ENTREP2: variants seen among roughly 807,000 people sequenced by gnomAD.
ENTREP2 encodes the protein endosomal transmembrane epsin interactor 2.
At chr15:29,358,345 C>A in the ENTREP2 span, among the ~76,000 whole-genome samples, 1 of 152,116 alleles carries the variant, frequency 6.6e-6, no homozygotes, top group Non-Finnish European at 1.5e-5. Context: ...ACATAAAGTG[C>A]AATTCCATTT....
the ENTREP2 span, among the ~76,000 whole-genome samples, chr15:29,242,348 C>CGT: frequency 2.2e-3 from 329 of 152,080 alleles, 1 homozygote; most frequent in East Asian, 0.022. Flanking sequence ...GGATTACAGG[C>CGT]GTGAGCCACT....
the ENTREP2 span, among the ~76,000 whole-genome samples, chr15:29,412,299 TTAGA>T: frequency 3.3e-5 from 5 of 152,308 alleles, no homozygotes; most frequent in East Asian, 5.8e-4. Flanking sequence ...ATATTTTTTC[TTAGA>T]TATAGTTCTA....
the ENTREP2 span, among the ~76,000 whole-genome samples, chr15:29,672,248 A>G: frequency 3.3e-5 from 5 of 152,224 alleles, no homozygotes; most frequent in Admixed American, 1.3e-4. Flanking sequence ...TTGGCCTCCC[A>G]AAGTGCTAGG....
chr15:29,257,320 G>T, the ENTREP2 span, among the ~76,000 whole-genome samples: 1 of 152,050 alleles, frequency 6.6e-6, no homozygotes, highest in Non-Finnish European at 1.5e-5. Context: ...TGGTCCACCC[G>T]CCTCGGCCTC....
chr15:29,648,548 G>A, the ENTREP2 span, among the ~76,000 whole-genome samples: 1 of 152,228 alleles, frequency 6.6e-6, no homozygotes, highest in Non-Finnish European at 1.5e-5. Flanking sequence ...GTATTTCCAA[G>A]GAAGATCTAG....
chr15:29,273,199 CTTTT>C, the ENTREP2 span, among the ~76,000 whole-genome samples: 2 of 133,830 alleles, frequency 1.5e-5, no homozygotes, highest in Admixed American at 7.6e-5. Flanking sequence ...ATAAATTAAA[CTTTT>C]TTTTTTTTTT....
the ENTREP2 span, among the ~76,000 whole-genome samples, chr15:29,592,915 C>T: frequency 9.8e-5 from 15 of 152,298 alleles, 1 homozygote; most frequent in Admixed American, 2.6e-4. Context: ...CTCCCCTTCA[C>T]CTTACACCAT....
chr15:29,484,155 A>C, the ENTREP2 span, among the ~76,000 whole-genome samples: 1 of 152,230 alleles, frequency 6.6e-6, no homozygotes, highest in Non-Finnish European at 1.5e-5. Context: ...GGTTGAAAGC[A>C]AATAGCTCCT....
the ENTREP2 span, among the ~76,000 whole-genome samples, chr15:29,128,524 A>C: frequency 1.3e-5 from 2 of 152,140 alleles, no homozygotes; most frequent in African/African-American, 4.8e-5. Flanking sequence ...AAAGTGGGGC[A>C]GAGGAAGACA....
the ENTREP2 span, among the ~76,000 whole-genome samples, chr15:29,584,856 T>C: frequency 6.6e-6 from 1 of 152,202 alleles, no homozygotes; most frequent in Non-Finnish European, 1.5e-5. Context: ...GATGGATGTA[T>C]TAATTTACTT....
At chr15:29,577,349 T>TGTGTGTGAGA in the ENTREP2 span, among the ~76,000 whole-genome samples, 18 of 144,336 alleles carry the variant, frequency 1.2e-4, no homozygotes, top group African/African-American at 4.6e-4. Context: ...TGTGTGTGTG[T>TGTGTGTGAGA]GAGAGAGAGA....
chr15:29,129,071 T>C, the ENTREP2 span, among the ~76,000 whole-genome samples: 1 of 152,326 alleles, frequency 6.6e-6, no homozygotes, highest in East Asian at 1.9e-4. Context: ...AGTTTTCTTT[T>C]TTCTTTTTTT....
At chr15:29,164,414 C>T in the ENTREP2 span, among the ~76,000 whole-genome samples, 1 of 152,136 alleles carries the variant, frequency 6.6e-6, no homozygotes, top group African/African-American at 2.4e-5. Context: ...TAAGAACTCG[C>T]CAACCAACTA....
the ENTREP2 span, among the ~76,000 whole-genome samples, chr15:29,658,445 G>C: frequency 6.6e-6 from 1 of 152,126 alleles, no homozygotes; most frequent in Non-Finnish European, 1.5e-5. Flanking sequence ...ATACAACTGG[G>C]AATTTAGGAG....
At chr15:29,475,901 C>T in the ENTREP2 span, among the ~76,000 whole-genome samples, 364 of 152,306 alleles carry the variant, frequency 2.4e-3, 1 homozygote, top group African/African-American at 8.2e-3. Context: ...TCCTACTTCC[C>T]TGCCCAAGTG....
chr15:29,234,194 T>C, the ENTREP2 span: 2 of 1,605,886 alleles, frequency 1.2e-6, no homozygotes, highest in Admixed American at 1.7e-5. Flanking sequence ...ATCTGACCAA[T>C]CACCACGAAG....
the ENTREP2 span, among the ~76,000 whole-genome samples, chr15:29,528,735 G>A: frequency 2.0e-5 from 3 of 149,568 alleles, no homozygotes; most frequent in East Asian, 1.9e-4. Context: ...ACGCTCTTTC[G>A]TAATTCACTT....
chr15:29,299,247 C>T, the ENTREP2 span, among the ~76,000 whole-genome samples: 3 of 152,216 alleles, frequency 2.0e-5, no homozygotes, highest in Non-Finnish European at 4.4e-5. Context: ...CAAACTCCTT[C>T]GGCCTCAGCA....
At chr15:29,601,433 C>CTT in the ENTREP2 span, among the ~76,000 whole-genome samples, 18 of 142,520 alleles carry the variant, frequency 1.3e-4, no homozygotes, top group East Asian at 4.1e-4. Flanking sequence ...CCACCACCAC[C>CTT]TTTTTTTTTT....
Sources: allele counts gnomAD v4.1 joint callset (sites outside exome capture counted in the v4.1 genomes callset), GRCh38; gene constraint gnomAD v4.1.1; transcripts MANE v1.5; gene names NCBI Gene and HGNC (gene_info 2026-07-23, HGNC 2026-07-21).